Variants in LSS observed in about 807,000 individuals in gnomAD.
The protein encoded by LSS is 2,3-epoxysqualene-lanosterol cyclase.
In LSS, 90 loss-of-function variants were observed where a neutral mutation model predicts 110.3. The observed-to-expected ratio is 0.82, with a 90% CI of 0.69 to 0.97. The LOEUF (loss-of-function observed/expected upper bound fraction) is 0.97, where lower values mean the gene tolerates loss of function less well. Among genes scored for constraint, LSS ranks in the 50% least tolerant of loss-of-function variants. The pLI is 0.00. For missense variants in LSS, 927 were observed against 990.0 expected (o/e 0.94, Z 0.85); for synonymous variants, 433 against 400.0 (o/e 1.08, Z -0.98).
chr21:46,222,216 C>T (rs1027115742), intron 4 of LSS: 6 of 564,312 alleles, frequency 1.1e-5, no homozygotes, highest in South Asian at 2.1e-5. Context: ...CACCTTCCCA[C>T]GCCTGAGTCA....
intron 11 of LSS, 34 bp from the exon 12 acceptor site, chr21:46,210,778 G>T: frequency 1.2e-6 from 2 of 1,605,354 alleles, no homozygotes; most frequent in Non-Finnish European, 1.7e-6. Flanking sequence ...AGCAGCAGAT[G>T]CAGCCCCTCC....
At chr21:46,223,293 T>C (rs924606417) in intron 3 of LSS, among the ~76,000 whole-genome samples, 2 of 152,180 alleles carry the variant, frequency 1.3e-5, no homozygotes, top group African/African-American at 4.8e-5. Flanking sequence ...CTAAGAACCT[T>C]CCGTCCCCAG....
intron 17 of LSS, among the ~76,000 whole-genome samples, chr21:46,197,672 G>A (rs944617024): frequency 1.3e-5 from 2 of 152,190 alleles, no homozygotes; most frequent in African/African-American, 4.8e-5. Context: ...GGCAGATCAC[G>A]AGGTCAGGAG....
intron 4 of LSS, 185 bp downstream of exon 4, chr21:46,222,445 A>G: frequency 1.7e-6 from 1 of 585,966 alleles, no homozygotes. Flanking sequence ...AAAGATGTGA[A>G]GCCGAGGCCC....
intron 9 of LSS, among the ~76,000 whole-genome samples, chr21:46,214,960 C>T (rs972317067): frequency 2.6e-5 from 4 of 151,686 alleles, no homozygotes; most frequent in Non-Finnish European, 4.4e-5. Context: ...GGGACGGAAG[C>T]GGGGGGTCGA....
Position 46,204,716 on chromosome 21 carries a change from G to A in LSS, c.1670+1120C>T, listed in dbSNP as rs761962528. On this transcript the variant is annotated intron_variant, in intron 17 of 21. Transcript: ENST00000397728. ...ATCTCCAGGCCCAACTGGCATTTCC[G>A]GTAATTTTTCCCAAACATTTAAGGC... Among the ~76,000 whole-genome samples the A allele has an allele frequency of 3.9e-5, 6 of 152,072 alleles. No individual in the cohort carries two copies. The South Asian group carries it at 6.2e-4, about 16-fold the overall frequency.
chr21:46,204,532 G>A (rs1426898327), intron 17 of LSS, among the ~76,000 whole-genome samples: 1 of 150,292 alleles, frequency 6.7e-6, no homozygotes, highest in Non-Finnish European at 1.5e-5. Context: ...TCCCCAGACT[G>A]ATACAAAAAT....
chr21:46,210,190 C>G (rs2080111567), intron 12 of LSS, among the ~76,000 whole-genome samples: 1 of 151,754 alleles, frequency 6.6e-6, no homozygotes, highest in African/African-American at 2.4e-5. Flanking sequence ...CTCAGCCTCC[C>G]AAGTAGCTGG....
Position 46,221,126 on chromosome 21 carries a change from GGGGCTTGGAGAGGTGGACAGCCCC to G in LSS, c.550+704_550+727del, listed in dbSNP as rs765089651. ...CGGGGCTTGGAGAGGTGGACAGCCC[GGGGCTTGGAGAGGTGGACAGCCCC>G]GGGCTTGGAGAGGTGGACAGCCCCG... On this transcript the variant is annotated intron_variant, in intron 5 of 21. Transcript: ENST00000397728. Among the ~76,000 whole-genome samples the G allele has an allele frequency of 9.5e-4, 122 of 128,708 alleles. 2 individuals carry two copies. The highest frequency in any genetic ancestry group is 4.5e-3 in the Middle Eastern group (1 of 224). The allele number at this position is 128,708 out of a possible 152,430, so 84.4% of individuals were successfully genotyped here.
chr21:46,223,687 C>A (rs2080304277), intron 3 of LSS, among the ~76,000 whole-genome samples: 1 of 152,152 alleles, frequency 6.6e-6, no homozygotes, highest in Admixed American at 6.5e-5. Flanking sequence ...CCTCGCTCTA[C>A]AATCATAACC....
intron 20 of LSS, 165 bp from the exon 21 acceptor site, chr21:46,192,124 G>A (rs1408396205): frequency 3.1e-6 from 2 of 644,336 alleles, no homozygotes; most frequent in Non-Finnish European, 2.8e-6. Context: ...AGCGCCTCGG[G>A]CTCTTGCCAC....
chr21:46,215,798 T>A lies in LSS; in HGVS notation c.784-5A>T, dbSNP rs775074559. 2 of 1,598,288 alleles carry A rather than the reference T, an allele frequency of 1.3e-6. No individual in the cohort carries two copies. Among genetic ancestry groups the A allele is most frequent in the Non-Finnish European group, 1.7e-6 (2 of 1,168,064 alleles). On this transcript the variant is annotated splice_polypyrimidine_tract_variant and splice_region_variant and intron_variant, in intron 7 of 21. Transcript: ENST00000397728. The stretch of plus-strand genomic sequence containing the variant: ...GAAGTCCTCCACATAGAGCTCCTGG[T>A]GGGGGCAGTGTCTGAGCCTTGGGGC...
intron 11 of LSS, among the ~76,000 whole-genome samples, chr21:46,212,628 C>A (rs553565122): frequency 3.3e-5 from 5 of 152,208 alleles, no homozygotes; most frequent in Non-Finnish European, 7.3e-5. Flanking sequence ...GTCCTCCAGG[C>A]TCCTGTCCTG....
At chr21:46,198,471 G>C (rs566112276) in intron 17 of LSS, among the ~76,000 whole-genome samples, 1 of 152,262 alleles carries the variant, frequency 6.6e-6, no homozygotes, top group South Asian at 2.1e-4. Context: ...TTGAGCTACA[G>C]ATTCAATGTA....
In LSS at chr21:46,215,162, C is replaced by A. The variant is rs1297600326; in HGVS notation, c.1011+18G>T. The A allele has an allele frequency of 8.1e-6, 13 of 1,601,850 alleles. No homozygotes were observed. Among genetic ancestry groups the A allele is most frequent in the Non-Finnish European group, 1.1e-5 (13 of 1,175,064 alleles). ...AACCCCCAGGGGCTGCAGTCAGAGG[C>A]CGGGCAGGGGCACTGACCGGGCCGA... is the stretch of plus-strand genomic sequence containing the variant. On this transcript the variant is annotated intron_variant, in intron 9 of 21. Coordinates refer to ENST00000397728, the MANE Select transcript of LSS (RefSeq NM_002340.6).
intron 1 of LSS, 58 bp from the exon 2 acceptor site, chr21:46,228,657 A>G (rs1178618707): frequency 1.3e-6 from 2 of 1,597,486 alleles, no homozygotes; most frequent in Admixed American, 1.7e-5. Context: ...CCGCCGGCCC[A>G]CTGCCCCAGT....
At chr21:46,198,943 A>C (rs555024521) in intron 17 of LSS, among the ~76,000 whole-genome samples, 12 of 152,274 alleles carry the variant, frequency 7.9e-5, no homozygotes, top group African/African-American at 2.6e-4. Context: ...AAATCCTAGA[A>C]TATAACACAG....
Position 46,215,362 on chromosome 21 carries a change from T to C in LSS, c.893-64A>G, listed in dbSNP as rs993692650. The C allele has an allele frequency of 5.5e-5, 63 of 1,149,870 alleles. 1 individual carries two copies. In the Middle Eastern group the frequency reaches 8.3e-4, roughly 15 times the overall value. The allele number at this position is 1,149,870 out of a possible 1,614,324, so 71.2% of individuals were successfully genotyped here. On this transcript the variant is annotated intron_variant, in intron 8 of 21. Coordinates refer to ENST00000397728, the MANE Select transcript of LSS (RefSeq NM_002340.6). Reference sequence around the variant, plus strand: ...ACACTGGCCTCAGCCTGGAGCTCCATGCACTGCAACGCCTGGACTTGCCCT... The same window carrying C: ...ACACTGGCCTCAGCCTGGAGCTCCACGCACTGCAACGCCTGGACTTGCCCT...
intron 5 of LSS, among the ~76,000 whole-genome samples, chr21:46,221,544 G>A (rs1482018243): frequency 6.6e-6 from 1 of 152,106 alleles, no homozygotes; most frequent in Non-Finnish European, 1.5e-5. Context: ...TTTTTGTAGA[G>A]ACCAGGTCTC....
Sources: allele counts gnomAD v4.1 joint callset (sites outside exome capture counted in the v4.1 genomes callset), GRCh38; gene constraint gnomAD v4.1.1; transcripts MANE v1.5; gene names NCBI Gene and HGNC (gene_info 2026-07-23, HGNC 2026-07-21).